The following STXBP5L variants were observed in gnomAD, a reference collection of about 807,000 sequenced individuals.
The protein encoded by STXBP5L is syntaxin binding protein 5L, also known as syntaxin-binding protein 5-like.
Under a neutral mutation model 144.5 loss-of-function variants are expected in STXBP5L, and 65 were observed. The observed-to-expected ratio is 0.45, with a 90% CI of 0.37 to 0.55. STXBP5L has a LOEUF of 0.55. Among genes scored for constraint, STXBP5L ranks in the 20% least tolerant of loss-of-function variants. STXBP5L has a pLI of 0.00. For synonymous variants in STXBP5L, 505 were observed against 469.6 expected, an observed-to-expected ratio of 1.08 and a Z score of -0.97; for missense variants, 1,298 against 1,405.5, an observed-to-expected ratio of 0.92 and a Z score of 1.22.
intron 18 of STXBP5L, among the ~76,000 whole-genome samples, chr3:121,270,249 T>TA (rs1270558504): frequency 2.1e-5 from 3 of 140,514 alleles, no homozygotes; most frequent in African/African-American, 7.9e-5. Flanking sequence ...TTTTTTTTTT[T>TA]ACATCATAAG....
chr3:121,058,663 C>A (rs1423798021), intron 5 of STXBP5L, among the ~76,000 whole-genome samples: 1 of 152,198 alleles, frequency 6.6e-6, no homozygotes, highest in Non-Finnish European at 1.5e-5. Flanking sequence ...TTAATCATAG[C>A]CATTCTAACT....
At chr3:120,989,745 T>A (rs1324316010) in intron 3 of STXBP5L, among the ~76,000 whole-genome samples, 1 of 152,196 alleles carries the variant, frequency 6.6e-6, no homozygotes, top group Non-Finnish European at 1.5e-5. Context: ...TATGTCCCAC[T>A]GGTGAATTGA....
At chr3:121,376,282 T>G (rs947425105) in intron 20 of STXBP5L, among the ~76,000 whole-genome samples, 2 of 152,230 alleles carry the variant, frequency 1.3e-5, no homozygotes, top group Non-Finnish European at 2.9e-5. Context: ...CAGTCTAGCC[T>G]GGCCCCAGAA....
intron 22 of STXBP5L, among the ~76,000 whole-genome samples, chr3:121,394,471 C>T (rs1204743447): frequency 6.6e-6 from 1 of 151,738 alleles, no homozygotes; most frequent in African/African-American, 2.4e-5. Flanking sequence ...AGTATACATC[C>T]TTATCTTGTT....
intron 10 of STXBP5L, among the ~76,000 whole-genome samples, chr3:121,217,010 A>G (rs1377259960): frequency 6.6e-6 from 1 of 152,114 alleles, no homozygotes; most frequent in East Asian, 1.9e-4. Context: ...CTCAAGCCTC[A>G]GTAATGGTGA....
At chr3:121,079,430 T>C (rs1161562976) in intron 5 of STXBP5L, among the ~76,000 whole-genome samples, 1 of 152,222 alleles carries the variant, frequency 6.6e-6, no homozygotes, top group Admixed American at 6.5e-5. Context: ...TAGATAAGGT[T>C]CACTGTCCAC....
intron 5 of STXBP5L, chr3:121,049,676 C>A (rs551019931): frequency 6.5e-6 from 1 of 154,044 alleles, no homozygotes; most frequent in Non-Finnish European, 1.5e-5. Context: ...GCTGCAGAGA[C>A]GAGGCCTGTA....
chr3:121,049,398 G>T (rs994845700), intron 5 of STXBP5L, among the ~76,000 whole-genome samples: 7 of 152,110 alleles, frequency 4.6e-5, no homozygotes, highest in African/African-American at 1.4e-4. Context: ...TCAGTGAGAA[G>T]TAGCAGGGGT....
intron 9 of STXBP5L, among the ~76,000 whole-genome samples, chr3:121,169,546 C>T (rs1245674423): frequency 6.6e-6 from 1 of 152,120 alleles, no homozygotes; most frequent in Non-Finnish European, 1.5e-5. Flanking sequence ...GAGTTGCAAT[C>T]CTAGTCTTTG....
chr3:121,274,332 C>T (rs1042433400), intron 18 of STXBP5L, among the ~76,000 whole-genome samples: 8 of 152,166 alleles, frequency 5.3e-5, no homozygotes, highest in East Asian at 1.9e-4. Context: ...TTTAATCAGC[C>T]GAAGTCAGTG....
rs1391246008 is a variant in STXBP5L at position 121,107,877 on chromosome 3, C to T, written c.471-7048C>T. ...TGTTTTTTCCATTTGCTTATGTCCT[C>T]TCTGATTTCCTTGAGCAGTGGTTTG... On this transcript the variant is annotated intron_variant, in intron 5 of 26. Transcript: ENST00000471454. Among the ~76,000 whole-genome samples the T allele has an allele frequency of 2.0e-5, 3 of 152,142 alleles. No individual in the cohort carries two copies. In the South Asian group the frequency reaches 6.2e-4, roughly 31 times the overall value.
At chr3:121,158,379 C>T (rs1335693170) in intron 9 of STXBP5L, 4 of 152,086 alleles carry the variant, frequency 2.6e-5, no homozygotes, top group African/African-American at 7.2e-5. Context: ...TCTGAGCGTT[C>T]GTTATCATGT....
chr3:121,348,067 C>T (rs2045083138), intron 20 of STXBP5L, among the ~76,000 whole-genome samples: 1 of 152,100 alleles, frequency 6.6e-6, no homozygotes. Flanking sequence ...CAGTTTTTGC[C>T]CATTCAGTAT....
chr3:121,165,979 C>CTCTTT (rs1454184140), intron 9 of STXBP5L, among the ~76,000 whole-genome samples: 1 of 151,386 alleles, frequency 6.6e-6, no homozygotes, highest in Non-Finnish European at 1.5e-5. Context: ...CCATTCTATT[C>CTCTTT]TCAAATGTAT....
At chr3:121,047,584 T>C (rs1947608120) in intron 5 of STXBP5L, among the ~76,000 whole-genome samples, 1 of 152,214 alleles carries the variant, frequency 6.6e-6, no homozygotes, top group South Asian at 2.1e-4. Context: ...TCTTGTTGAA[T>C]TGAACCCTTT....
chr3:121,188,001 AT>A (rs1179727817), intron 9 of STXBP5L, among the ~76,000 whole-genome samples: 10 of 152,262 alleles, frequency 6.6e-5, no homozygotes, highest in African/African-American at 2.4e-4. Context: ...TTAAATATAT[AT>A]GCACCGAATG....
At chr3:121,316,084 C>T (rs1248545143) in intron 19 of STXBP5L, among the ~76,000 whole-genome samples, 1 of 151,620 alleles carries the variant, frequency 6.6e-6, no homozygotes, top group African/African-American at 2.4e-5. Context: ...TCTGTATCTT[C>T]CAAGTTTTCT....
rs1386707087 is a variant in STXBP5L, at chr3:121,045,532, A to G, written c.467A>G (p.Glu156Gly). 1.2e-6 allele frequency: 2 copies of G among 1,607,932 alleles called. No individual in the cohort carries two copies. Among genetic ancestry groups the G allele is most frequent in the Non-Finnish European group, 1.7e-6 (2 of 1,178,014 alleles). The change falls in exon 5 of 27, where the codon GAA becomes GGA. Residue 156 changes from glutamate to glycine, a missense_variant. By Grantham distance (98) the Glu-to-Gly change is moderately conservative (BLOSUM62 -2). Transcript: ENST00000471454. The part of the protein sequence containing the change: ...AILHSLKFNR[E>G]RITYCHLPFQ... ...CTCCATTCTCTTAAATTTAACCGGGAACGGTAAGAACCTATGAATTAAACA... is the reference window on the plus strand; with the variant it reads ...CTCCATTCTCTTAAATTTAACCGGGGACGGTAAGAACCTATGAATTAAACA...
At chr3:121,098,903 C>T (rs748072958) in intron 5 of STXBP5L, among the ~76,000 whole-genome samples, 1 of 152,046 alleles carries the variant, frequency 6.6e-6, no homozygotes, top group African/African-American at 2.4e-5. Context: ...TAATTTTCTC[C>T]ATTTCAGGCA....
Sources: gnomAD v4.1 joint callset for allele counts (sites outside exome capture counted in the v4.1 genomes callset) on GRCh38, gnomAD v4.1.1 for gene constraint, MANE v1.5 for transcripts, NCBI Gene and HGNC (gene_info 2026-07-23, HGNC 2026-07-21) for gene names.